The following TGM6 variants were observed in gnomAD, a reference collection of about 807,000 sequenced individuals.
TGM6 encodes the protein protein-glutamine gamma-glutamyltransferase 6.
Under a neutral mutation model 77.5 loss-of-function variants are expected in TGM6, and 74 were observed. The observed-to-expected ratio is 0.96, with a 90% confidence interval of 0.79 to 1.16. The LOEUF is 1.16. Ranked by LOEUF, TGM6 falls within the 50% of genes most tolerant of loss-of-function variation. The pLI, the probability that TGM6 is intolerant of heterozygous loss-of-function variation, is 0.00. For synonymous variants in TGM6, 383 were observed against 378.9 expected, an observed-to-expected ratio of 1.01 and a Z score of -0.12; for missense variants, 968 against 940.2, an observed-to-expected ratio of 1.03 and a Z score of -0.39.
At chr20:2,397,259 C>T (rs1262375478) in intron 4 of TGM6, among the ~76,000 whole-genome samples, 2 of 152,194 alleles carry the variant, frequency 1.3e-5, no homozygotes, top group South Asian at 2.1e-4. Context: ...CAGAGCCGCA[C>T]GGACGTGGGA....
intron 1 of TGM6, among the ~76,000 whole-genome samples, chr20:2,393,921 A>T (rs1230001613): frequency 1.3e-5 from 2 of 152,206 alleles, no homozygotes; most frequent in Admixed American, 1.3e-4. Flanking sequence ...CAGGAACCTA[A>T]ACCTGTATTT....
chr20:2,396,217 G>T (rs76373536), intron 3 of TGM6, among the ~76,000 whole-genome samples: 1 of 151,466 alleles, frequency 6.6e-6, no homozygotes, highest in African/African-American at 2.4e-5. Flanking sequence ...AAGAAAAAAA[G>T]AAGGAAATAT....
chr20:2,381,445 G>C (rs778290952), intron 1 of TGM6, among the ~76,000 whole-genome samples: 1 of 152,198 alleles, frequency 6.6e-6, no homozygotes, highest in Non-Finnish European at 1.5e-5. Context: ...TCTGGCTCAA[G>C]TGAAAACAGC....
intron 10 of TGM6, among the ~76,000 whole-genome samples, chr20:2,421,502 G>A (rs11700354): frequency 0.22 from 33,952 of 152,078 alleles, 3,986 homozygotes; most frequent in South Asian, 0.3. Context: ...GTGTGTAATA[G>A]TATATCAGAG....
chr20:2,395,384 C>T lies in TGM6; in HGVS notation c.372C>T (p.His124=), dbSNP rs1367685334. ...LSIRLSSHRK[H]SNRRLGEFVL... ...TCAGGCTTTCCTCTCACCGCAAACA[C>T]AGCAACCGGAGGCTGGGCGAGTTTG... Residue 124 remains histidine, a synonymous_variant, in exon 3 of 13, where the codon CAC becomes CAT. Transcript: ENST00000202625. The T allele has an allele frequency of 1.2e-6, 2 of 1,614,284 alleles. No individual in the cohort carries two copies. The highest frequency in any genetic ancestry group is 1.7e-5 in the Admixed American group (1 of 60,026).
chr20:2,417,317 C>T lies in TGM6; in HGVS notation c.1422C>T (p.Arg474=). ...CCTCTGGAAGGAGAATCTGGATCCG[C>T]AGGGCTGGGGGTCGCTGTCTCTGGC... The part of the protein sequence containing the change: ...VEASGRRIWI[R]RAGGRCLWRD... The change falls in exon 10 of 13, where the codon CGC becomes CGT. Residue 474 remains arginine, a synonymous_variant. Transcript: ENST00000202625. 3.1e-6 allele frequency: 5 copies of T among 1,612,598 alleles called. No individual in the cohort carries two copies. Among genetic ancestry groups the T allele is most frequent in the Non-Finnish European group, 3.4e-6 (4 of 1,178,830 alleles).
At chr20:2,387,430 A>G (rs2084603736) in intron 1 of TGM6, among the ~76,000 whole-genome samples, 2 of 152,118 alleles carry the variant, frequency 1.3e-5, no homozygotes, top group African/African-American at 4.8e-5. Context: ...CACAGTGCTC[A>G]CTCACCACAG....
In TGM6 at chr20:2,399,563, G is replaced by T. The variant is rs1321535469; in HGVS notation, c.675G>T (p.Val225=). 6.2e-7 allele frequency: 1 copy of T among 1,612,642 alleles called. No homozygotes were observed. The highest frequency in any genetic ancestry group is 8.5e-7 in the Non-Finnish European group (1 of 1,179,900). ...IYVTRVISAM[V]NSNNDRGVVQ... ...GACCCGTGCCCTCCTCTGCCCAGGT[G>T]AACAGCAACAACGACCGAGGTGTGG... is the stretch of plus-strand genomic sequence containing the variant. Residue 225 remains valine, a splice_region_variant and synonymous_variant, in exon 6 of 13, where the codon GTG becomes GTT. Coordinates refer to ENST00000202625, the MANE Select transcript of TGM6 (RefSeq NM_198994.3).
At chr20:2,393,852 G>T (rs1225799263) in intron 1 of TGM6, among the ~76,000 whole-genome samples, 1 of 152,070 alleles carries the variant, frequency 6.6e-6, no homozygotes, top group Admixed American at 6.6e-5. Flanking sequence ...AAACAGAAAC[G>T]CACATATAAT....
intron 9 of TGM6, 63 bp from the exon 10 acceptor site, chr20:2,417,169 G>A (rs1219757574): frequency 1.3e-6 from 2 of 1,483,782 alleles, no homozygotes; most frequent in East Asian, 2.5e-5. Context: ...TGACTTCCAT[G>A]AGCCATAGTA....
In TGM6 at chr20:2,417,351, C is replaced by T. The variant is rs1436541251; in HGVS notation, c.1456C>T (p.Leu486Phe). 1.9e-6 allele frequency: 3 copies of T among 1,613,784 alleles called. No homozygotes were observed. The highest frequency in any genetic ancestry group is 2.5e-6 in the Non-Finnish European group (3 of 1,180,024). The change falls in exon 10 of 13, where the codon CTC becomes TTC. Residue 486 changes from leucine (L) to phenylalanine (F), a missense_variant. Leu to Phe is a conservative substitution (Grantham distance 22). Transcript: ENST00000202625. ...GGGTCGCTGTCTCTGGCGTGACGAC[C>T]TCCTGGAGCCTGCCACCAAGCCCAG... Reference protein sequence around the residue: ...AGGRCLWRDDLLEPATKPSIA... With the variant: ...AGGRCLWRDDFLEPATKPSIA...
chr20:2,385,364 G>A (rs1042766737), intron 1 of TGM6, among the ~76,000 whole-genome samples: 1 of 152,150 alleles, frequency 6.6e-6, no homozygotes, highest in Non-Finnish European at 1.5e-5. Context: ...GCTGGGGAGG[G>A]GGGAGGTGTT....
At chr20:2,429,566 C>G (rs563577653) in intron 10 of TGM6, among the ~76,000 whole-genome samples, 1 of 151,492 alleles carries the variant, frequency 6.6e-6, no homozygotes, top group East Asian at 1.9e-4. Context: ...GTCAAAAGAT[C>G]GAGACCATCC....
intron 7 of TGM6, among the ~76,000 whole-genome samples, chr20:2,401,140 G>C (rs2084706239): frequency 6.6e-6 from 1 of 152,068 alleles, no homozygotes. Context: ...GGAAGGCAGA[G>C]GTTGCCTCTG....
At chr20:2,399,837 T>TGAATCCATCAATGAA in intron 6 of TGM6, 99 bp downstream of exon 6, 1 of 1,070,668 alleles carries the variant, frequency 9.3e-7, no homozygotes, top group Non-Finnish European at 1.4e-6. Context: ...CCATCTTCAT[T>TGAATCCATCAATGAA]GATGGATTCA....
rs754514460 is a variant in TGM6, at chr20:2,397,907, C to T, written c.544-11C>T. The T allele has an allele frequency of 6.2e-7, 1 of 1,614,136 alleles. No individual in the cohort carries two copies. The highest frequency in any genetic ancestry group is 1.7e-5 in the Admixed American group (1 of 60,020). On this transcript the variant is annotated splice_polypyrimidine_tract_variant and intron_variant, in intron 4 of 12. Coordinates refer to ENST00000202625, the MANE Select transcript of TGM6 (RefSeq NM_198994.3). ...AACGCAGCCTCTAAGCACAGCCTCTCTGGGGAGCAGTTTGAGGAGGACATC... is the reference window on the plus strand; with the variant it reads ...AACGCAGCCTCTAAGCACAGCCTCTTTGGGGAGCAGTTTGAGGAGGACATC...
intron 5 of TGM6, 38 bp downstream of exon 5, chr20:2,398,084 A>C: frequency 6.2e-7 from 1 of 1,613,990 alleles, no homozygotes; most frequent in Non-Finnish European, 8.5e-7. Flanking sequence ...GTACTTCCTC[A>C]AGGATCCCCC....
chr20:2,395,026 AC>A (rs979232458), intron 2 of TGM6, among the ~76,000 whole-genome samples, 167 bp from the exon 3 acceptor site: 3 of 152,118 alleles, frequency 2.0e-5, no homozygotes, highest in Non-Finnish European at 4.4e-5. Flanking sequence ...GCTGAGGTGG[AC>A]CCTCACTTGG....
intron 10 of TGM6, among the ~76,000 whole-genome samples, chr20:2,418,533 A>T (rs1205924109): frequency 1.3e-5 from 2 of 152,152 alleles, no homozygotes; most frequent in African/African-American, 4.8e-5. Flanking sequence ...CCTGACCAAG[A>T]CCAGGAAGGG....
Sources: allele counts gnomAD v4.1 joint callset (sites outside exome capture counted in the v4.1 genomes callset), GRCh38; gene constraint gnomAD v4.1.1; transcripts MANE v1.5; gene names NCBI Gene and HGNC (gene_info 2026-07-23, HGNC 2026-07-21).